The following STX1A variants were observed in gnomAD, a reference collection of about 807,000 sequenced individuals.
STX1A encodes syntaxin 1A.
A neutral mutation model predicts 37.8 loss-of-function variants in STX1A; 4 were observed. That is an observed-to-expected ratio of 0.11 (90% CI 0.05 to 0.24). STX1A has a LOEUF of 0.24. Ranked by LOEUF, STX1A falls within the 10% of genes least tolerant of loss-of-function variation. STX1A has a pLI of 1.00. For synonymous variants in STX1A, 135 were observed against 147.4 expected, an observed-to-expected ratio of 0.92 and a Z score of 0.61; for missense variants, 251 against 399.9, an observed-to-expected ratio of 0.63 and a Z score of 3.18.
In STX1A at chr7:73,700,439, T is replaced by C. The variant is rs782224823; in HGVS notation, c.835A>G (p.Ile279Val). The change falls in exon 10 of 10, where the codon ATC becomes GTC. Residue 279 changes from isoleucine to valine, a missense_variant. This residue lies in a region of STX1A where 214 missense variants were observed against 367.6 expected (regional missense o/e 0.58). Coordinates refer to ENST00000222812, the MANE Select transcript of STX1A (RefSeq NM_004603.4). This position sits in a 1 kb window ranked among gnomAD's most constrained non-coding sequence, Gnocchi z 4.4. Reference protein sequence around the residue: ...IICCVILGIVIASTVGGIFA With the variant: ...IICCVILGIVVASTVGGIFA ...AAGATGCCCCCAACAGTGGAGGCGA[T>C]GACGATGCCCAGGATCACACAGCAG... 20 of 1,614,074 alleles carry C rather than the reference T, an allele frequency of 1.2e-5. No individual in the cohort carries two copies. The highest frequency in any genetic ancestry group is 1.7e-5 in the Non-Finnish European group (20 of 1,180,022).
intron 1 of STX1A, among the ~76,000 whole-genome samples, chr7:73,714,122 T>C (rs1156774870): frequency 6.6e-6 from 1 of 152,080 alleles, no homozygotes; most frequent in East Asian, 1.9e-4. Flanking sequence ...TTTTTTTTTT[T>C]TTTTGAGGCA....
At chr7:73,703,094 G>C (rs1798725025) in intron 7 of STX1A, 112 bp from the exon 8 acceptor site, 2 of 917,052 alleles carry the variant, frequency 2.2e-6, no homozygotes, top group South Asian at 3.3e-5. Flanking sequence ...GGGGCCTGAG[G>C]CTTCCTCCCA....
intron 7 of STX1A, chr7:73,703,366 C>T (rs1798736989): frequency 5.3e-6 from 3 of 571,420 alleles, no homozygotes; most frequent in Non-Finnish European, 9.9e-6. Flanking sequence ...CCCCTCTCTC[C>T]TGGAACTCAC....
Position 73,704,130 on chromosome 7 carries a change from G to GCCCCCCCC in STX1A, c.466+17_466+18insGGGGGGGG. ...CTCCAGGCTCCAGGCCCCGCCCCAG[G>GCCCCCCCC]CCCCACCCCCAGCTCACTGATCTCC... On this transcript the variant is annotated intron_variant, in intron 6 of 9. Transcript: ENST00000222812. The GCCCCCCCC allele has an allele frequency of 6.3e-7, 1 of 1,577,370 alleles. No homozygotes were observed. Among genetic ancestry groups the GCCCCCCCC allele is most frequent in the Non-Finnish European group, 8.6e-7 (1 of 1,156,844 alleles).
At position 73,700,847 on chromosome 7, in the gene STX1A, G is replaced by A. The variant is rs1200493533; in HGVS notation, c.679-7C>T. 2 of 1,612,760 alleles carry A rather than the reference G, an allele frequency of 1.2e-6. No homozygotes were observed. Among genetic ancestry groups the A allele is most frequent in the African/African-American group, 1.3e-5 (1 of 74,902 alleles). ...TCCTGTCAATCATCTCTCCCTGCGG[G>A]GCCGGGGGCACCCGAGCTCCAGAGG... On this transcript the variant is annotated splice_region_variant and splice_polypyrimidine_tract_variant and intron_variant, in intron 8 of 9. Coordinates refer to ENST00000222812, the MANE Select transcript of STX1A (RefSeq NM_004603.4). The surrounding 1 kb of genome is among the most constrained non-coding windows in gnomAD (Gnocchi z 4.4).
In STX1A at chr7:73,704,344, C is replaced by T; in HGVS notation, c.357+6G>A. On this transcript the variant is annotated splice_donor_region_variant and intron_variant, in intron 5 of 9. Coordinates refer to ENST00000222812, the MANE Select transcript of STX1A (RefSeq NM_004603.4). ...TGCCCGCCCATCCTAGACTCCGTGG[C>T]CGCACCTGTGTCTTCCGGATCCTCA... 1 of 1,614,138 alleles carries T rather than the reference C, an allele frequency of 6.2e-7. No individual in the cohort carries two copies. The highest frequency in any genetic ancestry group is 1.1e-5 in the South Asian group (1 of 91,078).
chr7:73,708,178 C>A (rs13245286), intron 3 of STX1A, among the ~76,000 whole-genome samples: 1 of 146,730 alleles, frequency 6.8e-6, no homozygotes, highest in African/African-American at 2.5e-5. Flanking sequence ...GCAGGGGAAT[C>A]GCTTGAACCC....
Position 73,705,117 on chromosome 7 carries a change from C to G in STX1A, c.283+33G>C, listed in dbSNP as rs782096444. 1.3e-6 allele frequency: 2 copies of G among 1,594,446 alleles called. No homozygotes were observed. The highest frequency in any genetic ancestry group is 1.3e-5 in the African/African-American group (1 of 74,520). On this transcript the variant is annotated intron_variant, in intron 4 of 9. Transcript: ENST00000222812. The surrounding 1 kb of genome is among the most constrained non-coding windows in gnomAD (Gnocchi z 5.2). ...CCGCAGAGGAAGCAGGCCTAGAATGCCCCCCACCCACCCCCAGACAAGCCT... is the reference window on the plus strand; with the variant it reads ...CCGCAGAGGAAGCAGGCCTAGAATGGCCCCCACCCACCCCCAGACAAGCCT...
At position 73,704,425 on chromosome 7, in the gene STX1A, TG is replaced by T; in HGVS notation, c.284-3del. ...CTTGCTCGATGGACTGCTCGATGCC[TG>T]GGGGCACAGGTGGCTGCTAAGTCAT... On this transcript the variant is annotated splice_region_variant and splice_polypyrimidine_tract_variant and intron_variant, in intron 4 of 9. Coordinates refer to ENST00000222812, the MANE Select transcript of STX1A (RefSeq NM_004603.4). The T allele has an allele frequency of 6.2e-7, 1 of 1,614,122 alleles. No individual in the cohort carries two copies. The highest frequency in any genetic ancestry group is 8.5e-7 in the Non-Finnish European group (1 of 1,180,004).
chr7:73,715,505 G>C (rs1303700114), intron 1 of STX1A, among the ~76,000 whole-genome samples: 2 of 152,108 alleles, frequency 1.3e-5, no homozygotes, highest in Non-Finnish European at 2.9e-5. Context: ...CTAGCATGGA[G>C]ACTGCTAGGA....
At chr7:73,703,897 C>T in intron 6 of STX1A, 69 bp from the exon 7 acceptor site, 1 of 1,518,308 alleles carries the variant, frequency 6.6e-7, no homozygotes. Context: ...TTGGGCCCCG[C>T]CCCCTCCGTC....
In STX1A at chr7:73,702,630, G is replaced by A; in HGVS notation, c.678+215C>T. 2 of 1,410,106 alleles carry A rather than the reference G, an allele frequency of 1.4e-6. No individual in the cohort carries two copies. Among genetic ancestry groups the A allele is most frequent in the Non-Finnish European group, 1.9e-6 (2 of 1,072,246 alleles). The allele number at this position is 1,410,106 out of a possible 1,614,324, so 87.3% of individuals were successfully genotyped here. A position where few individuals can be genotyped will look rare whatever the true frequency, so the allele number is the denominator to read the frequency against. ...GGGTATAGAGGGTGGGGCCATGCAG[G>A]GCCTGGGGTCCTTGAAGCTCAAGCA... On this transcript the variant is annotated intron_variant, in intron 8 of 9. Transcript: ENST00000222812. This position sits in a 1 kb window ranked among gnomAD's most constrained non-coding sequence, Gnocchi z 4.7.
intron 1 of STX1A, among the ~76,000 whole-genome samples, chr7:73,710,482 G>C (rs1235259561): frequency 6.6e-6 from 1 of 152,158 alleles, no homozygotes; most frequent in African/African-American, 2.4e-5. Context: ...CTGGAGTGCA[G>C]TGGTGTGATC....
At chr7:73,703,718 A>C in intron 7 of STX1A, 37 bp downstream of exon 7, 1 of 1,602,800 alleles carries the variant, frequency 6.2e-7, no homozygotes, top group Non-Finnish European at 8.5e-7. Flanking sequence ...GAACATGGTG[A>C]GGGGGTCATG....
chr7:73,705,334 G>A lies in STX1A; in HGVS notation c.209-110C>T, dbSNP rs1485131934. 22 of 868,484 alleles carry A rather than the reference G, an allele frequency of 2.5e-5. No homozygotes were observed. The highest frequency in any genetic ancestry group is 4.0e-5 in the Non-Finnish European group (21 of 526,614). The allele number at this position is 868,484 out of a possible 1,614,324, so 53.8% of individuals were successfully genotyped here. A position where few individuals can be genotyped will look rare whatever the true frequency, so the allele number is the denominator to read the frequency against. The stretch of plus-strand genomic sequence containing the variant: ...AGTGGGAGGCTCTGGGAAGATCCCT[G>A]TTCTCCCCTGTTCCCCTGGCTAAGG... On this transcript the variant is annotated intron_variant, in intron 3 of 9. Transcript: ENST00000222812. This position sits in a 1 kb window ranked among gnomAD's most constrained non-coding sequence, Gnocchi z 5.2.
At chr7:73,703,234 G>C (rs1672746695) in intron 7 of STX1A, 1 of 579,914 alleles carries the variant, frequency 1.7e-6, no homozygotes, top group Admixed American at 2.9e-5. Context: ...GCCACAGAGC[G>C]AGTGCTCAGT....
chr7:73,703,692 G>C (rs913692544), intron 7 of STX1A, 63 bp downstream of exon 7: 2 of 1,551,546 alleles, frequency 1.3e-6, no homozygotes, highest in Admixed American at 3.4e-5. Flanking sequence ...CCAGCACTAG[G>C]GGTCATGGAC....
chr7:73,709,138 C>G lies in STX1A; in HGVS notation c.31-16G>C. ...TGTCCTTGGCCTGTGCGGGGTTGTG[C>G]ACACATAAGTGGACGTATGTACAGG... is the stretch of plus-strand genomic sequence containing the variant. On this transcript the variant is annotated splice_polypyrimidine_tract_variant and intron_variant, in intron 1 of 9. Coordinates refer to ENST00000222812, the MANE Select transcript of STX1A (RefSeq NM_004603.4). The surrounding 1 kb of genome is among the most constrained non-coding windows in gnomAD (Gnocchi z 4.2). 6.2e-7 allele frequency: 1 copy of G among 1,611,206 alleles called. No homozygotes were observed. Among genetic ancestry groups the G allele is most frequent in the Non-Finnish European group, 8.5e-7 (1 of 1,179,894 alleles).
At position 73,700,928 on chromosome 7, in the gene STX1A, G is replaced by A. The variant is rs782515056; in HGVS notation, c.679-88C>T. 1 of 1,577,432 alleles carries A rather than the reference G, an allele frequency of 6.3e-7. No homozygotes were observed. The highest frequency in any genetic ancestry group is 1.1e-5 in the South Asian group (1 of 88,632). ...GGGCAGGACTTCAGGAAAGCACCCT[G>A]AGGCTAGAGACAAAAAGGGGGCGTG... On this transcript the variant is annotated intron_variant, in intron 8 of 9. Transcript: ENST00000222812. The surrounding 1 kb of genome is among the most constrained non-coding windows in gnomAD (Gnocchi z 4.4).
Sources: allele counts gnomAD v4.1 joint callset (sites outside exome capture counted in the v4.1 genomes callset), GRCh38; gene constraint gnomAD v4.1.1; regional missense constraint gnomAD v4.1.1; non-coding constraint Gnocchi (gnomAD v3.1); transcripts MANE v1.5; gene names NCBI Gene and HGNC (gene_info 2026-07-23, HGNC 2026-07-21).